AREG: variants seen among roughly 807,000 people sequenced by gnomAD.
The protein encoded by AREG is amphiregulin, also known as amphiregulin B.
AREG carries 16 observed loss-of-function variants against 28.0 expected under a neutral mutation model. That is an observed-to-expected ratio of 0.57 (90% CI 0.39 to 0.87). The LOEUF (loss-of-function observed/expected upper bound fraction) is 0.87, where lower values mean the gene tolerates loss of function less well. Among genes scored for constraint, AREG ranks in the 40% least tolerant of loss-of-function variants. The pLI is 0.00. For synonymous variants in AREG, 113 were observed against 113.5 expected (o/e 1.00, Z 0.02); for missense variants, 287 against 309.1 (o/e 0.93, Z 0.53).
intron 2 of AREG, chr4:74,448,663 C>A: frequency 5.4e-6 from 1 of 185,816 alleles, no homozygotes; most frequent in Non-Finnish European, 1.1e-5. Flanking sequence ...ACAAATATTC[C>A]TGGGCTCCTG....
chr4:74,449,905 GCTCTCT>G (rs34389731), intron 3 of AREG, among the ~76,000 whole-genome samples: 4,536 of 145,606 alleles, frequency 0.031, 140 homozygotes, highest in East Asian at 0.092. Context: ...GCTCCTGCTT[GCTCTCT>G]CTCTCTCTCT....
chr4:74,452,769 C>A, intron 5 of AREG, 114 bp downstream of exon 5: 2 of 878,786 alleles, frequency 2.3e-6, no homozygotes, highest in Non-Finnish European at 3.5e-6. Context: ...ACACTATGAA[C>A]AATGGCTATG....
intron 3 of AREG, among the ~76,000 whole-genome samples, chr4:74,449,845 A>G (rs1719352063): frequency 6.6e-6 from 1 of 151,862 alleles, no homozygotes; most frequent in Admixed American, 6.6e-5. Context: ...GATTTGATCC[A>G]TGGGCTGTAG....
chr4:74,449,695 C>T (rs1455959518), intron 3 of AREG, among the ~76,000 whole-genome samples: 1 of 152,146 alleles, frequency 6.6e-6, no homozygotes, highest in Non-Finnish European at 1.5e-5. Context: ...GTTGAGACTG[C>T]AGTGAGCCGT....
intron 2 of AREG, 132 bp from the exon 3 acceptor site, chr4:74,448,915 A>T (rs2110411642): frequency 1.6e-6 from 2 of 1,274,784 alleles, no homozygotes; most frequent in South Asian, 2.9e-5. Context: ...TAACTTTTAT[A>T]TTGTGTTAGG....
At position 74,446,561 on chromosome 4, in the gene AREG, A is replaced by G. The variant is rs1560613556; in HGVS notation, c.89A>G (p.Asn30Ser). Residue 30 changes from asparagine (N) to serine (S), a missense_variant, in exon 2 of 6, where the codon AAT becomes AGT. Asn to Ser is a conservative substitution (Grantham distance 46). Transcript: ENST00000395748. ...SGHYAAGLDL[N>S]DTYSGKREPF... is the part of the protein sequence containing the mutation. Reference sequence around the variant, plus strand: ...CATTATGCTGCTGGATTGGACCTCAATGACACCTACTCTGGGAAGCGTGAA... The same window carrying G: ...CATTATGCTGCTGGATTGGACCTCAGTGACACCTACTCTGGGAAGCGTGAA... The G allele has an allele frequency of 1.2e-6, 2 of 1,613,950 alleles. No individual in the cohort carries two copies. Among genetic ancestry groups the G allele is most frequent in the East Asian group, 2.2e-5 (1 of 44,884 alleles).
chr4:74,448,937 G>A (rs1010578839), intron 2 of AREG, 110 bp from the exon 3 acceptor site: 122 of 1,442,340 alleles, frequency 8.5e-5, no homozygotes, highest in Non-Finnish European at 1.1e-4. Flanking sequence ...AATGAGGCAC[G>A]CATGGCTGTT....
At chr4:74,449,278 G>A in intron 3 of AREG, 30 bp downstream of exon 3, 1 of 1,613,374 alleles carries the variant, frequency 6.2e-7, no homozygotes, top group Non-Finnish European at 8.5e-7. Flanking sequence ...ATAGAATTTT[G>A]TATTTCTAGC....
chr4:74,448,870 C>T (rs1719334533), intron 2 of AREG, 177 bp from the exon 3 acceptor site: 2 of 921,190 alleles, frequency 2.2e-6, no homozygotes, highest in Non-Finnish European at 3.1e-6. Context: ...GTAGAAAAAA[C>T]TGAAAATTAT....
At chr4:74,448,112 A>G (rs989305324) in intron 2 of AREG, among the ~76,000 whole-genome samples, 23 of 152,270 alleles carry the variant, frequency 1.5e-4, no homozygotes, top group South Asian at 4.1e-4. Flanking sequence ...ACACTTCAGC[A>G]TAGTGACTTT....
intron 4 of AREG, 76 bp downstream of exon 4, chr4:74,450,608 A>G: frequency 6.4e-7 from 1 of 1,550,430 alleles, no homozygotes; most frequent in Non-Finnish European, 8.7e-7. Context: ...CTCATACTCT[A>G]CTCTGGTATT....
intron 2 of AREG, among the ~76,000 whole-genome samples, chr4:74,448,488 T>G (rs1407730061): frequency 1.3e-5 from 2 of 152,230 alleles, no homozygotes; most frequent in African/African-American, 4.8e-5. Context: ...TGCTAAATAT[T>G]CACTTGGATA....
chr4:74,446,464 C>T, intron 1 of AREG, 70 bp from the exon 2 acceptor site: 1 of 1,613,342 alleles, frequency 6.2e-7, no homozygotes, highest in South Asian at 1.1e-5. Context: ...AACTTTTCTA[C>T]CTAACACAGC....
At chr4:74,454,543 G>T (rs894675133) in intron 5 of AREG, among the ~76,000 whole-genome samples, 3 of 152,136 alleles carry the variant, frequency 2.0e-5, no homozygotes, top group Admixed American at 6.5e-5. Context: ...TGAACTAGGT[G>T]TATAATCAAA....
At chr4:74,446,400 A>C (rs1719286713) in intron 1 of AREG, 134 bp from the exon 2 acceptor site, 1 of 1,498,652 alleles carries the variant, frequency 6.7e-7, no homozygotes. Flanking sequence ...CATAGAAATG[A>C]CTCAATCACA....
At chr4:74,447,668 C>T (rs1293345151) in intron 2 of AREG, among the ~76,000 whole-genome samples, 2 of 152,150 alleles carry the variant, frequency 1.3e-5, no homozygotes, top group African/African-American at 2.4e-5. Context: ...GGTTTCAGAG[C>T]TGTTGAAGGC....
intron 2 of AREG, among the ~76,000 whole-genome samples, chr4:74,447,219 T>A (rs1719307244): frequency 6.6e-6 from 1 of 152,192 alleles, no homozygotes; most frequent in African/African-American, 2.4e-5. Context: ...TAACCATTCC[T>A]ATCTACTTTG....
In AREG at chr4:74,449,044, T is replaced by C. The variant is rs1719338114; in HGVS notation, c.311-3T>C. 1.9e-6 allele frequency: 3 copies of C among 1,608,248 alleles called. No individual in the cohort carries two copies. Among genetic ancestry groups the C allele is most frequent in the Admixed American group, 1.7e-5 (1 of 58,734 alleles). The stretch of plus-strand genomic sequence containing the variant: ...TCTTGTCAATAAATCTTTTCTTTTT[T>C]AGTTGAACAGGTAGTTAAGCCCCCC... On this transcript the variant is annotated splice_region_variant and splice_polypyrimidine_tract_variant and intron_variant, in intron 2 of 5. Transcript: ENST00000395748.
chr4:74,446,097 C>A (rs932724836), intron 1 of AREG, among the ~76,000 whole-genome samples: 4 of 151,964 alleles, frequency 2.6e-5, no homozygotes, highest in Admixed American at 1.3e-4. Flanking sequence ...TTAAAAATAT[C>A]TTTTAAAAAT....
Sources: gnomAD v4.1 joint callset for allele counts (sites outside exome capture counted in the v4.1 genomes callset) on GRCh38, gnomAD v4.1.1 for gene constraint, MANE v1.5 for transcripts, NCBI Gene and HGNC (gene_info 2026-07-23, HGNC 2026-07-21) for gene names.